The following FBXL17 variants were observed in gnomAD, a reference collection of about 807,000 sequenced individuals.
FBXL17 encodes F-box/LRR-repeat protein 17.
A neutral mutation model predicts 66.2 loss-of-function variants in FBXL17; 22 were observed. The observed-to-expected ratio is 0.33, with a 90% CI of 0.24 to 0.47. The LOEUF is 0.47. Among genes scored for constraint, FBXL17 ranks in the 20% least tolerant of loss-of-function variants. The pLI, the probability that FBXL17 is intolerant of heterozygous loss-of-function variation, is 1.00. For synonymous variants in FBXL17, 474 were observed against 400.5 expected, an observed-to-expected ratio of 1.18 and a Z score of -2.19; for missense variants, 878 against 948.2, an observed-to-expected ratio of 0.93 and a Z score of 0.97.
intron 6 of FBXL17, among the ~76,000 whole-genome samples, chr5:108,120,623 G>A (rs998845807): frequency 6.6e-6 from 1 of 152,044 alleles, no homozygotes; most frequent in Non-Finnish European, 1.5e-5. Context: ...TTGAGGCCAG[G>A]AGTTTGAGAC....
intron 1 of FBXL17, among the ~76,000 whole-genome samples, chr5:108,368,269 T>TAA (rs901647924): frequency 7.1e-6 from 1 of 141,554 alleles, no homozygotes. Flanking sequence ...CAAAAACTAA[T>TAA]AAAAAAAAAA....
At chr5:108,189,965 T>G (rs992310539) in intron 5 of FBXL17, among the ~76,000 whole-genome samples, 7 of 152,144 alleles carry the variant, frequency 4.6e-5, no homozygotes, top group African/African-American at 1.7e-4. Context: ...ACAGCCCCAG[T>G]TGAGATCTTG....
chr5:108,301,454 C>G (rs1465426260), intron 4 of FBXL17, among the ~76,000 whole-genome samples: 3 of 151,802 alleles, frequency 2.0e-5, no homozygotes, highest in African/African-American at 7.2e-5. Context: ...CTGCAAGATT[C>G]TTACATCTTT....
chr5:108,263,332 A>C (rs993462038), intron 4 of FBXL17, among the ~76,000 whole-genome samples: 1 of 152,344 alleles, frequency 6.6e-6, no homozygotes, highest in South Asian at 2.1e-4. Flanking sequence ...GAAAAAAACT[A>C]TCATTATTTT....
At chr5:108,295,916 T>A (rs1221929512) in intron 4 of FBXL17, among the ~76,000 whole-genome samples, 1 of 146,352 alleles carries the variant, frequency 6.8e-6, no homozygotes, top group Non-Finnish European at 1.5e-5. Flanking sequence ...CATTAAAGAA[T>A]CTTTAAAATG....
intron 4 of FBXL17, among the ~76,000 whole-genome samples, chr5:108,324,887 G>T (rs1759779039): frequency 6.6e-6 from 1 of 152,060 alleles, no homozygotes; most frequent in Admixed American, 6.6e-5. Context: ...TCATGAAAAG[G>T]CAATGCTGTG....
Position 108,381,792 on chromosome 5 carries a change from A to AG in FBXL17, c.-102dup. 4 of 1,355,680 alleles carry AG rather than the reference A, an allele frequency of 3.0e-6. No homozygotes were observed. The highest frequency in any genetic ancestry group is 3.8e-6 in the Non-Finnish European group (4 of 1,058,788). The allele number at this position is 1,355,680 out of a possible 1,614,324, so 84.0% of individuals were successfully genotyped here. A position where few individuals can be genotyped will look rare whatever the true frequency, so the allele number is the denominator to read the frequency against. Reference sequence around the variant, plus strand: ...GGCCGCTCGCTGGCTCGGCCCCCGGAGGGGTCGCCCTTCCTGCGCACACAC... The same window carrying AG: ...GGCCGCTCGCTGGCTCGGCCCCCGGAGGGGGTCGCCCTTCCTGCGCACACAC... On this transcript the variant is annotated 5_prime_UTR_variant, in exon 1 of 9. Coordinates refer to ENST00000542267, the MANE Select transcript of FBXL17 (RefSeq NM_001163315.3).
chr5:108,232,782 C>CATATATATATAT lies in FBXL17; in HGVS notation c.1507-8566_1507-8555dup, dbSNP rs34650348. Among the ~76,000 whole-genome samples, 557 of 78,142 alleles carry CATATATATATAT rather than the reference C, an allele frequency of 7.1e-3. 38 individuals are homozygous for CATATATATATAT. The highest frequency in any genetic ancestry group is 0.013 in the African/African-American group (271 of 20,618). 51.3% of individuals were successfully genotyped at this position (78,142 alleles called of 152,430 possible). A position where few individuals can be genotyped will look rare whatever the true frequency, so the allele number is the denominator to read the frequency against. On this transcript the variant is annotated intron_variant, in intron 4 of 8. Coordinates refer to ENST00000542267, the MANE Select transcript of FBXL17 (RefSeq NM_001163315.3). Reference sequence around the variant, plus strand: ...TAAGTTAATACTGAATAAGCTCTCACATATATATATATATATATATATAAT... The same window carrying CATATATATATAT: ...TAAGTTAATACTGAATAAGCTCTCACATATATATATATATATATATATATATATATATATAAT...
At chr5:107,938,642 G>A (rs1348874610) in intron 7 of FBXL17, among the ~76,000 whole-genome samples, 1 of 152,134 alleles carries the variant, frequency 6.6e-6, no homozygotes, top group East Asian at 1.9e-4. Flanking sequence ...GTCAGTAGGT[G>A]ACTAAGGCAC....
intron 6 of FBXL17, among the ~76,000 whole-genome samples, chr5:108,138,493 T>C (rs1034750638): frequency 6.6e-6 from 1 of 152,204 alleles, no homozygotes; most frequent in Non-Finnish European, 1.5e-5. Flanking sequence ...GGCCTGATAT[T>C]ATTCAAGAGA....
intron 7 of FBXL17, among the ~76,000 whole-genome samples, chr5:107,930,842 T>G (rs1378633384): frequency 6.6e-6 from 1 of 152,236 alleles, no homozygotes; most frequent in African/African-American, 2.4e-5. Context: ...TAAATAAATA[T>G]TGGAAAACTA....
chr5:108,152,128 T>C (rs1751795348), intron 6 of FBXL17, among the ~76,000 whole-genome samples: 1 of 152,140 alleles, frequency 6.6e-6, no homozygotes, highest in Admixed American at 6.5e-5. Context: ...CCATGCACTC[T>C]CTCAAAAGAT....
In FBXL17 at chr5:108,145,552, G is replaced by A. The variant is rs935709237; in HGVS notation, c.1745+40565C>T. Among the ~76,000 whole-genome samples the A allele has an allele frequency of 5.9e-5, 9 of 152,110 alleles. No individual in the cohort carries two copies. The East Asian group carries it at 1.2e-3, about 20-fold the overall frequency. ...CTCCCACTTACTTTCATTTACTAAC[G>A]CAGAAATGTTAAGAAGTGTCTTACA... On this transcript the variant is annotated intron_variant, in intron 6 of 8. Coordinates refer to ENST00000542267, the MANE Select transcript of FBXL17 (RefSeq NM_001163315.3).
At chr5:108,108,888 A>G (rs1340675980) in intron 6 of FBXL17, among the ~76,000 whole-genome samples, 1 of 150,304 alleles carries the variant, frequency 6.7e-6, no homozygotes, top group Non-Finnish European at 1.5e-5. Context: ...GGTTCAAGCG[A>G]TTCTCCTGCC....
At chr5:107,983,650 C>A (rs1447562296) in intron 7 of FBXL17, among the ~76,000 whole-genome samples, 1 of 152,126 alleles carries the variant, frequency 6.6e-6, no homozygotes, top group Admixed American at 6.5e-5. Flanking sequence ...CATATCCTCT[C>A]GGGTCCATCC....
chr5:108,057,555 T>C (rs1407021227), intron 6 of FBXL17, among the ~76,000 whole-genome samples: 1 of 152,222 alleles, frequency 6.6e-6, no homozygotes, highest in Non-Finnish European at 1.5e-5. Flanking sequence ...GGATTTGATC[T>C]GTACACAATT....
intron 6 of FBXL17, among the ~76,000 whole-genome samples, chr5:108,147,036 G>C (rs751662918): frequency 3.3e-5 from 5 of 152,154 alleles, no homozygotes; most frequent in Non-Finnish European, 7.3e-5. Flanking sequence ...ATCCTCACAT[G>C]GTGGAAGGGG....
chr5:108,062,801 A>T (rs1482462324), intron 6 of FBXL17, among the ~76,000 whole-genome samples: 4 of 152,134 alleles, frequency 2.6e-5, no homozygotes, highest in African/African-American at 9.6e-5. Flanking sequence ...TAACTGCACA[A>T]AGAAGTAACT....
At chr5:108,250,597 T>C (rs762794111) in intron 4 of FBXL17, among the ~76,000 whole-genome samples, 4 of 152,098 alleles carry the variant, frequency 2.6e-5, no homozygotes, top group Admixed American at 6.6e-5. Context: ...GATGAAGAGA[T>C]AGAAATTCTG....
Sources: allele counts gnomAD v4.1 joint callset (sites outside exome capture counted in the v4.1 genomes callset), GRCh38; gene constraint gnomAD v4.1.1; transcripts MANE v1.5; gene names NCBI Gene and HGNC (gene_info 2026-07-23, HGNC 2026-07-21).